Variants in KNDC1 observed in about 807,000 individuals in gnomAD.
KNDC1 encodes kinase non-catalytic C-lobe domain-containing protein 1.
A neutral mutation model predicts 172.8 loss-of-function variants in KNDC1; 106 were observed. That is an observed-to-expected ratio of 0.61 (90% CI 0.52 to 0.72). The LOEUF is 0.72. Ranked by LOEUF, KNDC1 falls within the 30% of genes least tolerant of loss-of-function variation. The pLI, the probability that KNDC1 is intolerant of heterozygous loss-of-function variation, is 0.00. For missense variants in KNDC1, 2,325 were observed against 2,394.5 expected (o/e 0.97, Z 0.61); for synonymous variants, 1,083 against 1,062.2 (o/e 1.02, Z -0.38).
At position 133,200,380 on chromosome 10, in the gene KNDC1, C is replaced by CT. The variant is rs1854326053; in HGVS notation, c.2909_2910insT (p.Glu971ArgfsTer79). The CT allele has an allele frequency of 1.9e-6, 3 of 1,590,904 alleles. No individual in the cohort carries two copies. Among genetic ancestry groups the CT allele is most frequent in the African/African-American group, 2.7e-5 (2 of 73,212 alleles). On this transcript the variant is annotated frameshift_variant, in exon 16 of 30. Transcript: ENST00000304613. LOFTEE classifies it high-confidence loss of function. ...ACCTGCATTCTCGTCGTCAGCACGG[C>CT]CGAGGAGGCTGGGTCACAGCTCGAG...
chr10:133,182,237 G>GAC (rs1853739472), intron 3 of KNDC1, among the ~76,000 whole-genome samples: 1 of 152,018 alleles, frequency 6.6e-6, no homozygotes, highest in Non-Finnish European at 1.5e-5. Context: ...GTGGGTCTCA[G>GAC]GGTTCTGTGA....
chr10:133,210,590 G>T, intron 20 of KNDC1, 21 bp from the exon 21 acceptor site: 6 of 1,076,852 alleles, frequency 5.6e-6, no homozygotes, highest in Non-Finnish European at 8.4e-6. Context: ...CCACCTCACC[G>T]CCGCCCGCCC....
chr10:133,167,712 T>G (rs1265392927), intron 2 of KNDC1, 133 bp downstream of exon 2: 3 of 1,002,230 alleles, frequency 3.0e-6, no homozygotes, highest in Non-Finnish European at 4.4e-6. Flanking sequence ...TGTGGAGACC[T>G]TCTCTTCCTT....
Position 133,163,745 on chromosome 10 carries a change from G to A in KNDC1, c.102+3176G>A, listed in dbSNP as rs1853054261. 6.6e-6 allele frequency among the ~76,000 whole-genome samples: 1 copy of A among 152,122 alleles called. No individual in the cohort carries two copies. The highest frequency in any genetic ancestry group is 2.4e-5 in the African/African-American group (1 of 41,440). ...GGTGTGGGAGCTTTCTGAATGCACA[G>A]GGCCCCTAATGGGGACCTGCCATGA... On this transcript the variant is annotated intron_variant, in intron 1 of 29. Transcript: ENST00000304613. This position sits in a 1 kb window ranked among gnomAD's most constrained non-coding sequence, Gnocchi z 4.4.
chr10:133,215,957 C>G (rs999707771), intron 26 of KNDC1, among the ~76,000 whole-genome samples: 1 of 152,238 alleles, frequency 6.6e-6, no homozygotes, highest in Non-Finnish European at 1.5e-5. Flanking sequence ...CTCACGGGAG[C>G]GGACGGACCT....
At chr10:133,188,490 G>T in intron 6 of KNDC1, 49 bp from the exon 7 acceptor site, 5 of 1,271,072 alleles carry the variant, frequency 3.9e-6, no homozygotes, top group Non-Finnish European at 5.5e-6. Context: ...CAGGCGGCGG[G>T]CCCTGGCAAG....
intron 9 of KNDC1, among the ~76,000 whole-genome samples, chr10:133,192,656 A>T (rs182876871): frequency 1.8e-3 from 272 of 152,174 alleles, no homozygotes; most frequent in Non-Finnish European, 2.2e-3. Context: ...CTGATTTTTT[A>T]AAAAAACTCA....
chr10:133,196,668 G>A (rs1036798635), intron 10 of KNDC1, among the ~76,000 whole-genome samples: 2 of 152,198 alleles, frequency 1.3e-5, no homozygotes, highest in African/African-American at 4.8e-5. Flanking sequence ...ACTACTGAGA[G>A]CTGGGGAAGC....
chr10:133,201,325 C>T (rs1346570786), intron 16 of KNDC1, among the ~76,000 whole-genome samples, 176 bp from the exon 17 acceptor site: 1 of 152,154 alleles, frequency 6.6e-6, no homozygotes. Flanking sequence ...GTTCAGGGTC[C>T]CAGCATCTCC....
intron 1 of KNDC1, among the ~76,000 whole-genome samples, chr10:133,166,874 C>T (rs1347473332): frequency 3.3e-5 from 5 of 152,258 alleles, no homozygotes; most frequent in Non-Finnish European, 5.9e-5. Flanking sequence ...AGGGAACCGC[C>T]GTGACTGTGT....
chr10:133,167,385 A>G lies in KNDC1; in HGVS notation c.107A>G (p.Asn36Ser). 6.3e-7 allele frequency: 1 copy of G among 1,582,322 alleles called. No homozygotes were observed. Among genetic ancestry groups the G allele is most frequent in the Non-Finnish European group, 8.6e-7 (1 of 1,165,940 alleles). ...PLPTLPEDEE[N>S]VSLADILSLR... ...GGCCAGGGCCGGTCTTGGCAGGAGA[A>G]CGTGTCTCTGGCTGACATCCTCTCC... The change falls in exon 2 of 30, where the codon AAC (asparagine) becomes AGC (serine). Residue 36 changes from asparagine (N) to serine (S), a missense_variant. Asn to Ser is a conservative substitution (Grantham distance 46). Coordinates refer to ENST00000304613, the MANE Select transcript of KNDC1 (RefSeq NM_152643.8).
Position 133,186,296 on chromosome 10 carries a change from C to A in KNDC1, c.948C>A (p.Pro316=), listed in dbSNP as rs375111359. The A allele has an allele frequency of 4.1e-5, 66 of 1,611,430 alleles. No individual in the cohort carries two copies. The highest frequency in any genetic ancestry group is 5.5e-5 in the Non-Finnish European group (65 of 1,179,504). The change falls in exon 6 of 30, where the codon CCC becomes CCA. Residue 316 remains proline, a synonymous_variant. Coordinates refer to ENST00000304613, the MANE Select transcript of KNDC1 (RefSeq NM_152643.8). ...QTFPRLLSDS[P]EATLCLPLTR... Reference sequence around the variant, plus strand: ...TCCCTAGGCTGCTGTCCGACAGCCCCGAGGCCACCCTCTGCCTGCCGCTGA... The same window carrying A: ...TCCCTAGGCTGCTGTCCGACAGCCCAGAGGCCACCCTCTGCCTGCCGCTGA...
chr10:133,214,795 G>A (rs894363750), intron 26 of KNDC1, among the ~76,000 whole-genome samples: 1 of 152,222 alleles, frequency 6.6e-6, no homozygotes, highest in Non-Finnish European at 1.5e-5. Flanking sequence ...GGGCTGGACT[G>A]GGGGCTCCTC....
At chr10:133,207,851 G>A (rs1379581801) in intron 20 of KNDC1, among the ~76,000 whole-genome samples, 1 of 152,188 alleles carries the variant, frequency 6.6e-6, no homozygotes, top group Non-Finnish European at 1.5e-5. Flanking sequence ...GGGAGGAGCC[G>A]CCGGGCCCAC....
At position 133,224,989 on chromosome 10, in the gene KNDC1, C is replaced by T; in HGVS notation, c.*99C>T. ...GTCTCAGGCCCGGCCGTTATCAAGG[C>T]CCCTCCGCCCCCGAACCCTGGGGAG... On this transcript the variant is annotated 3_prime_UTR_variant, in exon 30 of 30. Coordinates refer to ENST00000304613, the MANE Select transcript of KNDC1 (RefSeq NM_152643.8). This position sits in a 1 kb window ranked among gnomAD's most constrained non-coding sequence, Gnocchi z 5.4. 4 of 925,660 alleles carry T rather than the reference C, an allele frequency of 4.3e-6. No homozygotes were observed. Among genetic ancestry groups the T allele is most frequent in the Non-Finnish European group, 6.7e-6 (4 of 592,720 alleles). The allele number at this position is 925,660 out of a possible 1,614,324, so 57.3% of individuals were successfully genotyped here. A position where few individuals can be genotyped will look rare whatever the true frequency, so the allele number is the denominator to read the frequency against.
Position 133,202,042 on chromosome 10 carries a change from C to T in KNDC1, c.3387+144C>T, listed in dbSNP as rs1361169144. On this transcript the variant is annotated intron_variant, in intron 17 of 29. Coordinates refer to ENST00000304613, the MANE Select transcript of KNDC1 (RefSeq NM_152643.8). ...TGGTCCTGGTGCCCCCACCCCGTGG[C>T]TGTCAAGATGGTCAGGGCCCCCTCC... The T allele has an allele frequency of 5.2e-6, 5 of 967,378 alleles. No homozygotes were observed. In the African/African-American group the frequency reaches 8.0e-5, roughly 16 times the overall value. The allele number at this position is 967,378 out of a possible 1,614,324, so 59.9% of individuals were successfully genotyped here.
Position 133,186,189 on chromosome 10 carries a change from C to T in KNDC1, c.841C>T (p.Leu281Phe). 1 of 1,573,558 alleles carries T rather than the reference C, an allele frequency of 6.4e-7. No individual in the cohort carries two copies. The highest frequency in any genetic ancestry group is 8.6e-7 in the Non-Finnish European group (1 of 1,159,972). The change falls in exon 6 of 30, where the codon CTC becomes TTC. Residue 281 changes from leucine (L) to phenylalanine (F), a missense_variant. Physicochemically the swap from Leu to Phe is conservative, Grantham distance 22. Transcript: ENST00000304613. Reference sequence around the variant, plus strand: ...CCACAGCCGGGAGGGGCTGGCCGGCCTCGTCCTGGATGCCGAGCGCACCCT... The same window carrying T: ...CCACAGCCGGGAGGGGCTGGCCGGCTTCGTCCTGGATGCCGAGCGCACCCT... The part of the protein sequence containing the change: ...ESHSREGLAG[L>F]VLDAERTLGE...
chr10:133,172,186 C>T lies in KNDC1; in HGVS notation c.360+3874C>T, dbSNP rs112676891. Among the ~76,000 whole-genome samples, 943 of 152,246 alleles carry T rather than the reference C, an allele frequency of 6.2e-3. 9 individuals are homozygous for T. Among genetic ancestry groups the T allele is most frequent in the African/African-American group, 0.021 (876 of 41,546 alleles). ...TCTCAGGGAGAAACTGACCACTCCCCCCATCCCCCATTCTAAAAAGAGCGC... is the reference window on the plus strand; with the variant it reads ...TCTCAGGGAGAAACTGACCACTCCCTCCATCCCCCATTCTAAAAAGAGCGC... On this transcript the variant is annotated intron_variant, in intron 3 of 29. Transcript: ENST00000304613.
chr10:133,210,184 G>A (rs1374244615), intron 20 of KNDC1, among the ~76,000 whole-genome samples: 2 of 151,868 alleles, frequency 1.3e-5, no homozygotes, highest in Non-Finnish European at 2.9e-5. Flanking sequence ...TCAGGAGTTC[G>A]AGACCAGCCT....
Sources: allele counts gnomAD v4.1 joint callset (sites outside exome capture counted in the v4.1 genomes callset), GRCh38; gene constraint gnomAD v4.1.1; non-coding constraint Gnocchi (gnomAD v3.1); transcripts MANE v1.5; gene names NCBI Gene and HGNC (gene_info 2026-07-23, HGNC 2026-07-21).